Variants in GPC5 observed in about 807,000 individuals in gnomAD.
GPC5 encodes glypican 5.
GPC5 carries 47 observed loss-of-function variants against 53.9 expected under a neutral mutation model. The observed-to-expected ratio is 0.87, with a 90% CI of 0.69 to 1.11. The LOEUF is 1.11. GPC5 is among the 50% of genes most tolerant of loss of function. GPC5 has a pLI of 0.00. For missense variants in GPC5, 748 were observed against 713.1 expected, an observed-to-expected ratio of 1.05 and a Z score of -0.56; for synonymous variants, 286 against 263.3, an observed-to-expected ratio of 1.09 and a Z score of -0.84.
At chr13:91,674,565 A>G (rs1040545124) in intron 2 of GPC5, among the ~76,000 whole-genome samples, 3 of 148,604 alleles carry the variant, frequency 2.0e-5, no homozygotes, top group African/African-American at 7.4e-5. Context: ...ATGTGTATAT[A>G]TACGCATATA....
chr13:91,447,916 G>A (rs1814634880), intron 1 of GPC5, among the ~76,000 whole-genome samples: 1 of 151,832 alleles, frequency 6.6e-6, no homozygotes, highest in Non-Finnish European at 1.5e-5. Flanking sequence ...TCTCCATCAG[G>A]GTTTCCTCTT....
intron 6 of GPC5, among the ~76,000 whole-genome samples, chr13:92,045,555 C>T (rs573321006): frequency 1.3e-5 from 2 of 152,252 alleles, no homozygotes; most frequent in Non-Finnish European, 2.9e-5. Context: ...TGATTGTCAC[C>T]ATCACCATGG....
intron 7 of GPC5, among the ~76,000 whole-genome samples, chr13:92,237,410 G>T (rs1456990902): frequency 6.6e-6 from 1 of 151,962 alleles, no homozygotes; most frequent in Admixed American, 6.6e-5. Context: ...AGTAAGGATG[G>T]GGTTTCACCA....
chr13:92,025,638 C>A (rs1042336616), intron 6 of GPC5, among the ~76,000 whole-genome samples: 1 of 152,108 alleles, frequency 6.6e-6, no homozygotes, highest in African/African-American at 2.4e-5. Flanking sequence ...CTTGCCAGTG[C>A]GTGTACAGAA....
intron 5 of GPC5, among the ~76,000 whole-genome samples, chr13:91,883,476 G>A (rs559369510): frequency 6.6e-6 from 1 of 152,178 alleles, no homozygotes; most frequent in Non-Finnish European, 1.5e-5. Flanking sequence ...TCAGGTAGAA[G>A]GCATTTGAGG....
At position 92,598,652 on chromosome 13, in the gene GPC5, T is replaced by C. The variant is rs551639092; in HGVS notation, c.1562-267630T>C. ...AGTTTAAAGAAAAATTTCAGTAGCA[T>C]TTCAAAATAAATTTACACCGAACAA... is the stretch of plus-strand genomic sequence containing the variant. On this transcript the variant is annotated intron_variant, in intron 7 of 7. Coordinates refer to ENST00000377067, the MANE Select transcript of GPC5 (RefSeq NM_004466.6). 2.0e-5 allele frequency among the ~76,000 whole-genome samples: 3 copies of C among 152,308 alleles called. No individual in the cohort carries two copies. In the South Asian group the frequency reaches 6.2e-4, roughly 32 times the overall value.
intron 5 of GPC5, among the ~76,000 whole-genome samples, chr13:91,796,323 G>A (rs530446002): frequency 1.3e-5 from 2 of 152,278 alleles, no homozygotes; most frequent in Middle Eastern, 3.4e-3. Context: ...ACACCCTGCC[G>A]GATCTGGAGG....
intron 7 of GPC5, among the ~76,000 whole-genome samples, chr13:92,492,027 A>G (rs1879782864): frequency 6.6e-6 from 1 of 152,066 alleles, no homozygotes; most frequent in Non-Finnish European, 1.5e-5. Flanking sequence ...TGTCCCCAAA[A>G]GGCAGACTCT....
chr13:92,337,790 A>G (rs1237736764), intron 7 of GPC5, among the ~76,000 whole-genome samples: 1 of 152,144 alleles, frequency 6.6e-6, no homozygotes, highest in African/African-American at 2.4e-5. Flanking sequence ...CAGACTTTAC[A>G]CCCTTCACAA....
chr13:92,527,179 AAAG>A lies in GPC5; in HGVS notation c.1562-339097_1562-339095del, dbSNP rs553610844. Among the ~76,000 whole-genome samples the A allele has an allele frequency of 8.7e-4, 75 of 85,952 alleles. 3 individuals are homozygous for A. Among genetic ancestry groups the A allele is most frequent in the South Asian group, 3.5e-3 (9 of 2,588 alleles). The allele number at this position is 85,952 out of a possible 152,430, so 56.4% of individuals were successfully genotyped here. A position where few individuals can be genotyped will look rare whatever the true frequency, so the allele number is the denominator to read the frequency against. On this transcript the variant is annotated intron_variant, in intron 7 of 7. Coordinates refer to ENST00000377067, the MANE Select transcript of GPC5 (RefSeq NM_004466.6). ...AAGAAAGAAAGAAAGAAAGAGAAAG[AAAG>A]AAGAAAGAAAGAAAGAAAGAAAGAA...
At chr13:92,560,857 A>ATGTGTGTGTGTG (rs34114433) in intron 7 of GPC5, among the ~76,000 whole-genome samples, 3,765 of 139,154 alleles carry the variant, frequency 0.027, 67 homozygotes, top group Non-Finnish European at 0.033. Context: ...AGAAAATTAT[A>ATGTGTGTGTGTG]TGTGTGTGTG....
chr13:91,494,773 T>TC (rs1452756851), intron 2 of GPC5, among the ~76,000 whole-genome samples: 2 of 152,134 alleles, frequency 1.3e-5, no homozygotes, highest in South Asian at 4.1e-4. Flanking sequence ...TTGCTTTTTC[T>TC]CCCCCCTTAT....
intron 2 of GPC5, among the ~76,000 whole-genome samples, chr13:91,455,597 G>T (rs577777489): frequency 4.5e-4 from 69 of 152,134 alleles, no homozygotes; most frequent in African/African-American, 1.6e-3. Context: ...TTCTGTCCTA[G>T]GTACAGATAT....
chr13:91,669,579 C>T (rs1286851354), intron 2 of GPC5, among the ~76,000 whole-genome samples: 1 of 152,082 alleles, frequency 6.6e-6, no homozygotes, highest in Non-Finnish European at 1.5e-5. Context: ...TAGTTAGTAG[C>T]ACTTTACTGA....
intron 7 of GPC5, among the ~76,000 whole-genome samples, chr13:92,350,347 C>T (rs1265229593): frequency 6.6e-6 from 1 of 152,066 alleles, no homozygotes; most frequent in Non-Finnish European, 1.5e-5. Flanking sequence ...CCACTTTCAC[C>T]ACTCCTATTC....
intron 2 of GPC5, among the ~76,000 whole-genome samples, chr13:91,569,028 G>A (rs980402280): frequency 5.9e-5 from 9 of 152,060 alleles, no homozygotes; most frequent in Non-Finnish European, 2.9e-5. Flanking sequence ...CGGGATCAGA[G>A]GCATGAGCTA....
At chr13:92,273,695 C>G (rs1191300915) in intron 7 of GPC5, among the ~76,000 whole-genome samples, 16 of 151,670 alleles carry the variant, frequency 1.1e-4, no homozygotes, top group Admixed American at 1.1e-3. Context: ...AATAAAGAAA[C>G]AATGATGTGG....
At chr13:92,647,246 T>C (rs1409854530) in intron 7 of GPC5, among the ~76,000 whole-genome samples, 1 of 152,156 alleles carries the variant, frequency 6.6e-6, no homozygotes, top group Non-Finnish European at 1.5e-5. Context: ...ATATTCACCG[T>C]AGGTTTTGTC....
intron 6 of GPC5, among the ~76,000 whole-genome samples, chr13:92,066,117 A>C (rs1282072253): frequency 6.6e-6 from 1 of 152,092 alleles, no homozygotes; most frequent in Non-Finnish European, 1.5e-5. Context: ...AAGTTTAAGG[A>C]AAAATGTTGG....
Sources: allele counts gnomAD v4.1 joint callset (sites outside exome capture counted in the v4.1 genomes callset), GRCh38; gene constraint gnomAD v4.1.1; transcripts MANE v1.5; gene names NCBI Gene and HGNC (gene_info 2026-07-23, HGNC 2026-07-21).